NADK: variants seen among roughly 807,000 people sequenced by gnomAD.
NADK encodes poly(P)/ATP NAD kinase.
A neutral mutation model predicts 49.8 loss-of-function variants in NADK; 22 were observed. The observed-to-expected ratio is 0.44, with a 90% CI of 0.32 to 0.63. The LOEUF (loss-of-function observed/expected upper bound fraction) is 0.63. Ranked by LOEUF, NADK falls within the 30% of genes least tolerant of loss-of-function variation. The pLI is 0.06. For missense variants in NADK, 438 were observed against 609.4 expected (o/e 0.72, Z 2.96); for synonymous variants, 268 against 253.7 (o/e 1.06, Z -0.54).
upstream of NADK, chr1:1,779,311 G>C (rs1009049155): frequency 6.6e-6 from 1 of 152,404 alleles, no homozygotes; most frequent in African/African-American, 2.4e-5. Context: ...TGGAACTGCG[G>C]GTCCCACCCA....
At chr1:1,772,621 A>T (rs1453888243) in intron 1 of NADK, among the ~76,000 whole-genome samples, 1 of 151,926 alleles carries the variant, frequency 6.6e-6, no homozygotes, top group Non-Finnish European at 1.5e-5. Flanking sequence ...TTAAGAGGTA[A>T]CACTGCATAG....
chr1:1,763,947 C>G (rs1192279520), intron 2 of NADK, among the ~76,000 whole-genome samples: 1 of 152,196 alleles, frequency 6.6e-6, no homozygotes, highest in Non-Finnish European at 1.5e-5. Context: ...TTCACGCAGT[C>G]ACTGCGCTGG....
At chr1:1,773,041 C>CAA (rs568045574) in intron 1 of NADK, among the ~76,000 whole-genome samples, 4 of 55,346 alleles carry the variant, frequency 7.2e-5, no homozygotes, top group Admixed American at 2.1e-4. Context: ...AACTCCATCT[C>CAA]AAAAAAAAAA....
rs531375867 is a variant in NADK at position 1,754,461 on chromosome 1, G to A, written c.844-78C>T. The A allele has an allele frequency of 3.0e-3, 4,763 of 1,605,250 alleles. 14 individuals carry two copies. Among genetic ancestry groups the A allele is most frequent in the Non-Finnish European group, 3.5e-3 (4,090 of 1,174,312 alleles). ...CAGACACCCTCCGTCTCACCCAGCC[G>A]GGCTCTCCGGAAGGTCCTCATCCCT... On this transcript the variant is annotated intron_variant, in intron 8 of 11. Transcript: ENST00000341426. This position sits in a 1 kb window ranked among gnomAD's most constrained non-coding sequence, Gnocchi z 4.3.
chr1:1,764,242 C>A (rs1202697795), intron 2 of NADK, among the ~76,000 whole-genome samples: 2 of 152,216 alleles, frequency 1.3e-5, no homozygotes, highest in Non-Finnish European at 2.9e-5. Context: ...ATTTGATAGT[C>A]GTGATCCTTG....
intron 3 of NADK, chr1:1,759,284 G>A (rs1216742829): frequency 3.3e-6 from 5 of 1,521,182 alleles, no homozygotes; most frequent in Non-Finnish European, 4.4e-6. Flanking sequence ...ACGCACGGCT[G>A]TGGGTACTGC....
intron 2 of NADK, among the ~76,000 whole-genome samples, chr1:1,762,711 C>T (rs928861821): frequency 1.3e-5 from 2 of 152,230 alleles, no homozygotes; most frequent in Middle Eastern, 3.4e-3. Flanking sequence ...GAGCCGAGAT[C>T]GAGCCACTGT....
At chr1:1,777,657 T>A (rs1646251738) in intron 1 of NADK, among the ~76,000 whole-genome samples, 1 of 151,048 alleles carries the variant, frequency 6.6e-6, no homozygotes, top group African/African-American at 2.4e-5. Context: ...GAAGGAAAAC[T>A]CCACCAGGCC....
intron 3 of NADK, among the ~76,000 whole-genome samples, chr1:1,758,212 C>T (rs1163364949): frequency 6.6e-6 from 1 of 152,216 alleles, no homozygotes; most frequent in Non-Finnish European, 1.5e-5. Context: ...GAGAAAGCTG[C>T]TGCCTGCCAT....
chr1:1,766,639 G>C (rs1645896533), intron 1 of NADK, among the ~76,000 whole-genome samples: 3 of 151,126 alleles, frequency 2.0e-5, no homozygotes, highest in Admixed American at 1.3e-4. Context: ...AAGCCTCAAA[G>C]AAAACTGGTG....
chr1:1,761,087 G>A (rs762093765), intron 3 of NADK, among the ~76,000 whole-genome samples: 6 of 152,150 alleles, frequency 3.9e-5, no homozygotes, highest in East Asian at 1.9e-4. Context: ...TCTGCCTCCC[G>A]GGTTCAAGCA....
chr1:1,773,519 A>AGCAG (rs1482817903), intron 1 of NADK, among the ~76,000 whole-genome samples: 3 of 151,634 alleles, frequency 2.0e-5, no homozygotes, highest in Non-Finnish European at 2.9e-5. Flanking sequence ...GGGAGGCCGA[A>AGCAG]GCAGGGGAAT....
At chr1:1,775,598 A>C (rs1646188342) in intron 1 of NADK, among the ~76,000 whole-genome samples, 1 of 152,216 alleles carries the variant, frequency 6.6e-6, no homozygotes, top group Non-Finnish European at 1.5e-5. Flanking sequence ...CTTTCTTTAG[A>C]TGTGGCTCCA....
intron 2 of NADK, among the ~76,000 whole-genome samples, chr1:1,762,401 C>T (rs1645752987): frequency 6.6e-6 from 1 of 152,252 alleles, no homozygotes; most frequent in Admixed American, 6.5e-5. Flanking sequence ...GACAACATCT[C>T]ATCTCTAAAT....
intron 1 of NADK, among the ~76,000 whole-genome samples, 169 bp from the exon 2 acceptor site, chr1:1,765,615 C>CTACT (rs1474290059): frequency 6.6e-6 from 1 of 152,164 alleles, no homozygotes; most frequent in African/African-American, 2.4e-5. Context: ...TATTTAAGAA[C>CTACT]TACTCTAGGT....
At chr1:1,760,080 G>T (rs141159742) in intron 3 of NADK, among the ~76,000 whole-genome samples, 1 of 152,216 alleles carries the variant, frequency 6.6e-6, no homozygotes, top group Non-Finnish European at 1.5e-5. Flanking sequence ...GTGAGGCCGC[G>T]GCGAGTGGTC....
At chr1:1,771,772 T>C (rs896414578) in intron 1 of NADK, among the ~76,000 whole-genome samples, 2 of 152,052 alleles carry the variant, frequency 1.3e-5, no homozygotes, top group African/African-American at 4.8e-5. Flanking sequence ...GGACTAAAAC[T>C]ATGAAACTTT....
intron 6 of NADK, among the ~76,000 whole-genome samples, chr1:1,755,703 A>G (rs558444550): frequency 6.6e-6 from 1 of 150,736 alleles, no homozygotes; most frequent in Non-Finnish European, 1.5e-5. Context: ...CAAAGGTGGC[A>G]GGGCTGAGCG....
At chr1:1,765,526 C>T (rs2100342936) in intron 1 of NADK, 80 bp from the exon 2 acceptor site, 3 of 703,536 alleles carry the variant, frequency 4.3e-6, no homozygotes, top group Non-Finnish European at 4.2e-6. Flanking sequence ...TACATATGTT[C>T]CATTTCATCA....
Sources: gnomAD v4.1 joint callset for allele counts (sites outside exome capture counted in the v4.1 genomes callset) on GRCh38, gnomAD v4.1.1 for gene constraint, Gnocchi (gnomAD v3.1) non-coding constraint, MANE v1.5 for transcripts, NCBI Gene and HGNC (gene_info 2026-07-23, HGNC 2026-07-21) for gene names.